Variants in LDLRAD4 observed in about 807,000 individuals in gnomAD.
The protein encoded by LDLRAD4 is low density lipoprotein receptor class A domain containing 4.
LDLRAD4 carries 5 observed loss-of-function variants against 17.0 expected under a neutral mutation model. The ratio of observed to expected loss-of-function variants is 0.29; its 90% confidence interval spans 0.15 to 0.62. The LOEUF is 0.62. LDLRAD4 is among the 20% of genes least tolerant of loss of function. The probability of loss-of-function intolerance (pLI) is 0.84; values close to 1 mark genes in which losing one functional copy is unlikely to be tolerated. For missense variants in LDLRAD4, 340 were observed against 424.7 expected (o/e 0.80, Z 1.75); for synonymous variants, 168 against 171.8 (o/e 0.98, Z 0.17).
intron 1 of LDLRAD4, among the ~76,000 whole-genome samples, chr18:13,382,234 C>T (rs1045085115): frequency 2.0e-5 from 3 of 152,184 alleles, no homozygotes; most frequent in African/African-American, 7.2e-5. Flanking sequence ...GCCTCCGTGC[C>T]CCTGTGTGAC....
intron 1 of LDLRAD4, among the ~76,000 whole-genome samples, chr18:13,259,423 G>A (rs2043684285): frequency 6.6e-6 from 1 of 152,118 alleles, no homozygotes; most frequent in African/African-American, 2.4e-5. Context: ...TGATTCTCTT[G>A]CCTCAGCCTC....
At chr18:13,505,291 T>C (rs1288382738) in intron 3 of LDLRAD4, among the ~76,000 whole-genome samples, 1 of 152,214 alleles carries the variant, frequency 6.6e-6, no homozygotes, top group Non-Finnish European at 1.5e-5. Context: ...ATACTGCGTA[T>C]CTAATGCTCA....
At chr18:13,514,448 C>A (rs933140103) in intron 3 of LDLRAD4, 1 of 152,100 alleles carries the variant, frequency 6.6e-6, no homozygotes, top group African/African-American at 2.4e-5. Flanking sequence ...GTTAAATAAC[C>A]CATTCTCGTA....
At chr18:13,503,481 C>G (rs1030295665) in intron 3 of LDLRAD4, among the ~76,000 whole-genome samples, 4 of 151,506 alleles carry the variant, frequency 2.6e-5, no homozygotes, top group Non-Finnish European at 5.9e-5. Context: ...TGAAAAAAAT[C>G]TTCTGTATTT....
intron 3 of LDLRAD4, among the ~76,000 whole-genome samples, chr18:13,578,617 G>A (rs11080664): frequency 0.36 from 55,048 of 151,922 alleles, 10,715 homozygotes; most frequent in South Asian, 0.45. Flanking sequence ...TGACAGTGGC[G>A]ATCTTATAGA....
intron 3 of LDLRAD4, among the ~76,000 whole-genome samples, chr18:13,590,005 G>C (rs534447878): frequency 6.6e-6 from 1 of 151,866 alleles, no homozygotes; most frequent in African/African-American, 2.4e-5. Context: ...GGGTGTGCAC[G>C]TGTGTGGCTG....
At chr18:13,481,823 G>A (rs373816338) in intron 3 of LDLRAD4, among the ~76,000 whole-genome samples, 2 of 151,646 alleles carry the variant, frequency 1.3e-5, no homozygotes, top group African/African-American at 4.8e-5. Context: ...GGAGTGTCTT[G>A]GACAGAAGGC....
chr18:13,265,282 T>G (rs902564023), intron 1 of LDLRAD4, among the ~76,000 whole-genome samples: 3 of 152,196 alleles, frequency 2.0e-5, no homozygotes, highest in African/African-American at 7.2e-5. Context: ...AGAACCGCCT[T>G]ACCACCTAGT....
At chr18:13,430,261 T>C (rs921125578) in intron 2 of LDLRAD4, among the ~76,000 whole-genome samples, 1 of 152,184 alleles carries the variant, frequency 6.6e-6, no homozygotes, top group African/African-American at 2.4e-5. Context: ...CCAATACACA[T>C]GGAAAGCACA....
At chr18:13,550,211 G>A (rs1377304900) in intron 3 of LDLRAD4, among the ~76,000 whole-genome samples, 1 of 152,140 alleles carries the variant, frequency 6.6e-6, no homozygotes, top group Admixed American at 6.5e-5. Context: ...ATGTTATAGT[G>A]GTCTTGGAGG....
At chr18:13,605,892 G>C (rs1031425029) in intron 3 of LDLRAD4, among the ~76,000 whole-genome samples, 1 of 152,116 alleles carries the variant, frequency 6.6e-6, no homozygotes, top group Non-Finnish European at 1.5e-5. Context: ...TTCTGAAATG[G>C]TGACATGCAC....
chr18:13,307,801 A>G (rs2047000390), intron 1 of LDLRAD4, among the ~76,000 whole-genome samples: 2 of 152,350 alleles, frequency 1.3e-5, no homozygotes, highest in South Asian at 4.1e-4. Flanking sequence ...TACATATAAC[A>G]TTGAAAATGT....
intron 3 of LDLRAD4, among the ~76,000 whole-genome samples, chr18:13,478,279 G>T (rs1014079464): frequency 6.6e-6 from 1 of 152,134 alleles, no homozygotes; most frequent in African/African-American, 2.4e-5. Context: ...TAACGGAATC[G>T]CCAGGTGATG....
At chr18:13,600,741 G>A (rs552443222) in intron 3 of LDLRAD4, among the ~76,000 whole-genome samples, 35 of 152,278 alleles carry the variant, frequency 2.3e-4, no homozygotes, top group African/African-American at 8.2e-4. Flanking sequence ...TATATTATAG[G>A]AAACAAAATT....
intron 3 of LDLRAD4, among the ~76,000 whole-genome samples, chr18:13,499,873 C>T (rs149642886): frequency 1.3e-5 from 2 of 152,336 alleles, no homozygotes; most frequent in African/African-American, 4.8e-5. Context: ...TCCGTTTTTG[C>T]TCTCAGCTGT....
At chr18:13,499,148 T>G (rs1205384337) in intron 3 of LDLRAD4, among the ~76,000 whole-genome samples, 13 of 112,534 alleles carry the variant, frequency 1.2e-4, no homozygotes, top group African/African-American at 4.6e-4. Flanking sequence ...ATCCTTCTAC[T>G]CACACACACG....
chr18:13,642,710 C>T, intron 4 of LDLRAD4: 1 of 1,231,606 alleles, frequency 8.1e-7, no homozygotes, highest in Non-Finnish European at 1.0e-6. Flanking sequence ...ATCGGGCGGC[C>T]ACTGAATGCG....
chr18:13,427,573 T>G (rs1022349606), intron 2 of LDLRAD4: 1 of 152,258 alleles, frequency 6.6e-6, no homozygotes, highest in Non-Finnish European at 1.5e-5. Context: ...AGTCCAGGGC[T>G]TCAGCCAGAC....
At chr18:13,538,529 G>GTTTTTTTTTTTTT (rs757970920) in intron 3 of LDLRAD4, among the ~76,000 whole-genome samples, 1 of 144,590 alleles carries the variant, frequency 6.9e-6, no homozygotes, top group Non-Finnish European at 1.5e-5. Context: ...TGATGTCTAT[G>GTTTTTTTTTTTTT]ATTTTTTTTT....
Sources: gnomAD v4.1 joint callset for allele counts (sites outside exome capture counted in the v4.1 genomes callset) on GRCh38, gnomAD v4.1.1 for gene constraint, MANE v1.5 for transcripts, NCBI Gene and HGNC (gene_info 2026-07-23, HGNC 2026-07-21) for gene names.